The following RBFOX1 variants were observed in gnomAD, a reference collection of about 807,000 sequenced individuals.
RBFOX1 encodes RNA binding protein fox-1 homolog 1.
Under a neutral mutation model 57.7 loss-of-function variants are expected in RBFOX1, and 8 were observed. The ratio of observed to expected loss-of-function variants is 0.14; its 90% CI spans 0.08 to 0.25. The LOEUF (loss-of-function observed/expected upper bound fraction) is 0.25, where lower values mean the gene tolerates loss of function less well. Ranked by LOEUF, RBFOX1 falls within the 10% of genes least tolerant of loss-of-function variation. The probability of loss-of-function intolerance (pLI) is 1.00; values close to 1 mark genes in which losing one functional copy is unlikely to be tolerated. For synonymous variants in RBFOX1, 326 were observed against 222.4 expected (o/e 1.47, Z -4.15); for missense variants, 611 against 548.5 (o/e 1.11, Z -1.14).
At chr16:7,358,234 C>T (rs2097254919) in intron 4 of RBFOX1, among the ~76,000 whole-genome samples, 1 of 152,234 alleles carries the variant, frequency 6.6e-6, no homozygotes. Context: ...ATAACCAAGT[C>T]AGCCTCTGCT....
At chr16:5,316,526 G>C (rs1052544358) in intron 1 of RBFOX1, among the ~76,000 whole-genome samples, 1 of 152,150 alleles carries the variant, frequency 6.6e-6, no homozygotes, top group Non-Finnish European at 1.5e-5. Flanking sequence ...CTTGATTTCT[G>C]ACTCTGCCAT....
chr16:6,389,452 A>T (rs1463108070), intron 2 of RBFOX1, among the ~76,000 whole-genome samples: 1 of 152,188 alleles, frequency 6.6e-6, no homozygotes, highest in Non-Finnish European at 1.5e-5. Flanking sequence ...CATTAAGTTT[A>T]TCATCATGAA....
intron 3 of RBFOX1, among the ~76,000 whole-genome samples, chr16:5,718,306 C>T (rs185654013): frequency 6.6e-6 from 1 of 152,162 alleles, no homozygotes; most frequent in Non-Finnish European, 1.5e-5. Flanking sequence ...ACAACCAGAC[C>T]TGAGGTTTGA....
chr16:5,346,138 C>T (rs1321124733), intron 1 of RBFOX1, among the ~76,000 whole-genome samples: 9 of 152,298 alleles, frequency 5.9e-5, no homozygotes, highest in Admixed American at 3.9e-4. Context: ...GCATCACCTC[C>T]GTGGAGCTCC....
chr16:7,349,981 T>C (rs554057917), intron 4 of RBFOX1, among the ~76,000 whole-genome samples: 9 of 152,252 alleles, frequency 5.9e-5, no homozygotes, highest in Non-Finnish European at 1.3e-4. Flanking sequence ...ACCTCATTTC[T>C]ACTGAAACAT....
At chr16:7,520,514 T>C (rs2152241285) in intron 5 of RBFOX1, among the ~76,000 whole-genome samples, 1 of 152,322 alleles carries the variant, frequency 6.6e-6, no homozygotes, top group Non-Finnish European at 1.5e-5. Flanking sequence ...CACGATGTTG[T>C]CTAGGTTCAT....
At chr16:6,833,300 C>T (rs895167823) in intron 3 of RBFOX1, among the ~76,000 whole-genome samples, 1 of 151,802 alleles carries the variant, frequency 6.6e-6, no homozygotes, top group South Asian at 2.1e-4. Context: ...TGAGTACCTG[C>T]GACTATAGGC....
chr16:6,419,572 G>T (rs555406166), intron 2 of RBFOX1, among the ~76,000 whole-genome samples: 1 of 152,178 alleles, frequency 6.6e-6, no homozygotes, highest in African/African-American at 2.4e-5. Context: ...AGAATGAAAA[G>T]GTAGAGTGGG....
At chr16:6,997,612 T>C (rs1440307748) in intron 3 of RBFOX1, among the ~76,000 whole-genome samples, 1 of 152,224 alleles carries the variant, frequency 6.6e-6, no homozygotes, top group Non-Finnish European at 1.5e-5. Flanking sequence ...TTTGCAAACA[T>C]ACCATAATTA....
At chr16:5,785,823 G>A (rs183003541) in intron 3 of RBFOX1, among the ~76,000 whole-genome samples, 132 of 152,150 alleles carry the variant, frequency 8.7e-4, no homozygotes, top group African/African-American at 3.0e-3. Context: ...CTCTGCACCC[G>A]GCCAAGATGT....
intron 3 of RBFOX1, among the ~76,000 whole-genome samples, chr16:6,678,788 C>G (rs2058167385): frequency 6.6e-6 from 1 of 152,030 alleles, no homozygotes; most frequent in African/African-American, 2.4e-5. Flanking sequence ...AAGTTAATCA[C>G]TTGCCATGAA....
intron 3 of RBFOX1, among the ~76,000 whole-genome samples, chr16:6,809,643 T>C (rs984226100): frequency 6.6e-6 from 1 of 152,132 alleles, no homozygotes; most frequent in African/African-American, 2.4e-5. Context: ...GAACACAGCA[T>C]AGAACAAACT....
intron 1 of RBFOX1, among the ~76,000 whole-genome samples, chr16:6,025,315 C>A (rs963441588): frequency 2.6e-5 from 4 of 152,226 alleles, no homozygotes; most frequent in African/African-American, 9.6e-5. Flanking sequence ...CCACCACCTA[C>A]TTCGTAGGGC....
At chr16:7,373,945 A>T (rs72771111) in intron 4 of RBFOX1, among the ~76,000 whole-genome samples, 11,332 of 152,280 alleles carry the variant, frequency 0.074, 447 homozygotes, top group South Asian at 0.14. Context: ...TTTGCAATGA[A>T]ACTGTATCAC....
intron 3 of RBFOX1, among the ~76,000 whole-genome samples, chr16:5,756,223 CAAAAAAAA>C (rs5815266): frequency 2.6e-4 from 13 of 50,950 alleles, no homozygotes; most frequent in Admixed American, 1.4e-3. Context: ...TCCACATAAG[CAAAAAAAA>C]AAAAAAAAAA....
At position 6,558,125 on chromosome 16, in the gene RBFOX1, T is replaced by C. The variant is rs1409278098; in HGVS notation, c.-63-96478T>C. ...TTATGTACTCCAAATCAGTGCTTTA[T>C]AAGTCTTTCAAAAAATATCGGTTGC... is the stretch of plus-strand genomic sequence containing the variant. On this transcript the variant is annotated intron_variant, in intron 2 of 15. Coordinates refer to ENST00000550418, the MANE Select transcript of RBFOX1 (RefSeq NM_018723.4). 2.0e-5 allele frequency among the ~76,000 whole-genome samples: 3 copies of C among 152,178 alleles called. No individual in the cohort carries two copies. The East Asian group carries it at 5.8e-4, about 29-fold the overall frequency.
At chr16:7,251,922 C>G (rs1422220473) in intron 4 of RBFOX1, among the ~76,000 whole-genome samples, 1 of 151,956 alleles carries the variant, frequency 6.6e-6, no homozygotes, top group Non-Finnish European at 1.5e-5. Context: ...CCATTTTTTT[C>G]ATAATGGCTG....
At chr16:5,503,647 T>A (rs2043278227) in intron 2 of RBFOX1, among the ~76,000 whole-genome samples, 1 of 152,180 alleles carries the variant, frequency 6.6e-6, no homozygotes, top group African/African-American at 2.4e-5. Context: ...TTTCCCCATG[T>A]TGGTCAGGTT....
chr16:7,554,150 C>G (rs1008467352), intron 5 of RBFOX1, among the ~76,000 whole-genome samples: 1 of 152,100 alleles, frequency 6.6e-6, no homozygotes, highest in African/African-American at 2.4e-5. Context: ...TCTCAGAGCC[C>G]AAAGCTTAGT....
Sources: gnomAD v4.1 joint callset for allele counts (sites outside exome capture counted in the v4.1 genomes callset) on GRCh38, gnomAD v4.1.1 for gene constraint, MANE v1.5 for transcripts, NCBI Gene and HGNC (gene_info 2026-07-23, HGNC 2026-07-21) for gene names.